NEB: variants seen among roughly 807,000 people sequenced by gnomAD.
NEB encodes nemaline myopathy type 2.
A neutral mutation model predicts 952.2 loss-of-function variants in NEB; 512 were observed. The ratio of observed to expected loss-of-function variants is 0.54; its 90% CI spans 0.50 to 0.58. The LOEUF is 0.58. Among genes scored for constraint, NEB ranks in the 20% least tolerant of loss-of-function variants. The pLI is 0.00. For missense variants in NEB, 8,428 were observed against 9,231.1 expected (o/e 0.91, Z 3.56); for synonymous variants, 2,900 against 3,149.8 (o/e 0.92, Z 2.66).
intron 113 of NEB, 23 bp downstream of exon 113, chr2:151,568,048 G>A (rs754891682): frequency 1.9e-6 from 3 of 1,586,098 alleles, no homozygotes; most frequent in South Asian, 1.1e-5. Flanking sequence ...TTTGCAAAAT[G>A]CACTCCCATC....
intron 75 of NEB, 108 bp downstream of exon 75, chr2:151,617,256 G>T: frequency 3.1e-6 from 2 of 641,120 alleles, no homozygotes; most frequent in Non-Finnish European, 5.2e-6. Context: ...ACTGAAAATG[G>T]TAGTTTGTAG....
chr2:151,652,426 C>T (rs1409002916), intron 52 of NEB, among the ~76,000 whole-genome samples: 6 of 151,972 alleles, frequency 3.9e-5, no homozygotes, highest in Admixed American at 2.0e-4. Flanking sequence ...AGTCTCACTA[C>T]GTTGCCCAGG....
At chr2:151,494,062 C>T (rs1189228884) in intron 174 of NEB, 99 bp downstream of exon 174, 2 of 1,056,154 alleles carry the variant, frequency 1.9e-6, no homozygotes, top group Admixed American at 4.2e-5. Flanking sequence ...ATGTAACTGG[C>T]ATTTTGTTTG....
At chr2:151,520,587 A>G (rs765199877) in intron 153 of NEB, among the ~76,000 whole-genome samples, 1 of 152,212 alleles carries the variant, frequency 6.6e-6, no homozygotes, top group Non-Finnish European at 1.5e-5. Flanking sequence ...GATGATAGCC[A>G]GGTGTGGTGG....
At position 151,513,646 on chromosome 2, in the gene NEB, C is replaced by T. The variant is rs2076008876; in HGVS notation, c.23175G>A (p.Leu7725=). The change falls in exon 160 of 182, where the codon CTG becomes CTA. Residue 7725 remains leucine (L), a synonymous_variant. Transcript: ENST00000397345. ...DLELEVKGRG[L]NAMANETPDF... ...CCGGAGTTTCATTGGCCATGGCATTCAGGCCTCTTCCTTTGACTTCCAGTT... is the reference window on the plus strand; with the variant it reads ...CCGGAGTTTCATTGGCCATGGCATTTAGGCCTCTTCCTTTGACTTCCAGTT... 1 of 1,609,602 alleles carries T rather than the reference C, an allele frequency of 6.2e-7. No individual in the cohort carries two copies. The highest frequency in any genetic ancestry group is 1.3e-5 in the African/African-American group (1 of 74,892).
intron 9 of NEB, among the ~76,000 whole-genome samples, chr2:151,720,323 A>T (rs6433584): frequency 6.6e-6 from 1 of 152,202 alleles, no homozygotes; most frequent in Non-Finnish European, 1.5e-5. Flanking sequence ...ATGTGCCTAC[A>T]CATGGTGCAT....
At chr2:151,617,786 G>T (rs2098253708) in intron 74 of NEB, among the ~76,000 whole-genome samples, 2 of 151,670 alleles carry the variant, frequency 1.3e-5, no homozygotes, top group African/African-American at 4.8e-5. Flanking sequence ...TTTAGGCTGG[G>T]CACGGTGGCT....
At position 151,628,118 on chromosome 2, in the gene NEB, C is replaced by A. The variant is rs183094101; in HGVS notation, c.9832-284G>T. ...ACTACATGGTCCTATGGCTTGTAGA[C>A]GTTAAGTTTCTGAAAATAAAGGAAG... On this transcript the variant is annotated intron_variant, in intron 68 of 181. Transcript: ENST00000397345. Among the ~76,000 whole-genome samples the A allele has an allele frequency of 1.3e-4, 20 of 152,222 alleles. No homozygotes were observed. The East Asian group carries it at 3.5e-3, about 26-fold the overall frequency.
At chr2:151,530,842 C>G (rs1231814117) in intron 145 of NEB, 152 bp downstream of exon 145, 2 of 585,634 alleles carry the variant, frequency 3.4e-6, no homozygotes, top group South Asian at 4.8e-5. Context: ...AGTCAACTTA[C>G]CGAATCATGA....
intron 124 of NEB, among the ~76,000 whole-genome samples, chr2:151,559,577 A>G (rs187147644): frequency 2.7e-4 from 41 of 152,282 alleles, no homozygotes; most frequent in African/African-American, 9.1e-4. Context: ...TAAAGAAAAT[A>G]TGGCATATAT....
At chr2:151,566,335 T>C (rs996672112) in intron 114 of NEB, among the ~76,000 whole-genome samples, 4 of 152,222 alleles carry the variant, frequency 2.6e-5, no homozygotes, top group East Asian at 1.9e-4. Flanking sequence ...GAACCTAGAT[T>C]CTCCCAGCCA....
At chr2:151,520,418 T>C (rs768868493) in intron 153 of NEB, among the ~76,000 whole-genome samples, 1 of 152,080 alleles carries the variant, frequency 6.6e-6, no homozygotes, top group Non-Finnish European at 1.5e-5. Context: ...TAAATATACT[T>C]TTAGTATACA....
intron 172 of NEB, among the ~76,000 whole-genome samples, 179 bp from the exon 173 acceptor site, chr2:151,496,547 TCTGCACCCTCTAGAGAAGCAGGGAC>T: frequency 6.6e-6 from 1 of 152,306 alleles, no homozygotes; most frequent in East Asian, 1.9e-4. Flanking sequence ...GGATGGGGAA[TCTGCACCCTCTAGAGAAGCAGGGAC>T]CTCAGCTGCT....
At chr2:151,578,734 G>C (rs901403811) in intron 105 of NEB, among the ~76,000 whole-genome samples, 2 of 148,490 alleles carry the variant, frequency 1.3e-5, no homozygotes, top group African/African-American at 5.0e-5. Context: ...AGGGAAGGAA[G>C]GAAGGAAGGA....
intron 55 of NEB, 52 bp from the exon 56 acceptor site, chr2:151,644,627 A>T: frequency 7.1e-7 from 1 of 1,407,042 alleles, no homozygotes; most frequent in Non-Finnish European, 1.0e-6. Context: ...ATAGACAAAT[A>T]TAGCATAATG....
At chr2:151,617,316 G>T in intron 75 of NEB, 48 bp downstream of exon 75, 1 of 1,277,192 alleles carries the variant, frequency 7.8e-7, no homozygotes, top group Non-Finnish European at 1.1e-6. Context: ...CAGCTACAGT[G>T]GTTCATTTTT....
chr2:151,552,232 G>A (rs1416580001), intron 128 of NEB, among the ~76,000 whole-genome samples: 1 of 152,168 alleles, frequency 6.6e-6, no homozygotes, highest in Non-Finnish European at 1.5e-5. Context: ...TTATGCATCA[G>A]AATGGGAGGC....
intron 107 of NEB, among the ~76,000 whole-genome samples, chr2:151,570,975 C>A (rs896441488): frequency 6.6e-6 from 1 of 152,118 alleles, no homozygotes; most frequent in Non-Finnish European, 1.5e-5. Flanking sequence ...AAGCATTTAT[C>A]ATGTCTGTGT....
chr2:151,663,794 A>C lies in NEB; in HGVS notation c.5517T>G (p.Asp1839Glu), dbSNP rs1434165898. 1.2e-6 allele frequency: 2 copies of C among 1,613,748 alleles called. No individual in the cohort carries two copies. Among genetic ancestry groups the C allele is most frequent in the Non-Finnish European group, 1.7e-6 (2 of 1,179,796 alleles). ...GCATGAAGTGCACCAGCTTGGGGTC[A>C]TCTTCCAGGCTCCGGAAGCCAATGT... The part of the protein sequence containing the change: ...GKHIGFRSLE[D>E]DPKLVHFMQV... The change falls in exon 45 of 182, where the codon GAT (aspartate) becomes GAG (glutamate). Residue 1839 changes from aspartate (D) to glutamate (E), a missense_variant. Physicochemically the swap from Asp to Glu is conservative, Grantham distance 45. Coordinates refer to ENST00000397345, the MANE Select transcript of NEB (RefSeq NM_001164508.2).
Sources: allele counts gnomAD v4.1 joint callset (sites outside exome capture counted in the v4.1 genomes callset), GRCh38; gene constraint gnomAD v4.1.1; transcripts MANE v1.5; gene names NCBI Gene and HGNC (gene_info 2026-07-23, HGNC 2026-07-21).